DNAH3: variants seen among roughly 807,000 people sequenced by gnomAD.
DNAH3 encodes the protein dynein axonemal heavy chain 3.
Under a neutral mutation model 432.5 loss-of-function variants are expected in DNAH3, and 332 were observed. The observed-to-expected ratio is 0.77, with a 90% CI of 0.70 to 0.84. The LOEUF is 0.84. Ranked by LOEUF, DNAH3 falls within the 40% of genes least tolerant of loss-of-function variation. The pLI is 0.00. For synonymous variants in DNAH3, 1,956 were observed against 1,900.2 expected, an observed-to-expected ratio of 1.03 and a Z score of -0.76; for missense variants, 4,861 against 5,114.0, an observed-to-expected ratio of 0.95 and a Z score of 1.51.
chr16:21,146,095 G>A lies in DNAH3; in HGVS notation c.118-7C>T, dbSNP rs749747482. On this transcript the variant is annotated splice_polypyrimidine_tract_variant and splice_region_variant and intron_variant, in intron 1 of 61. Transcript: ENST00000261383. ...TGGAGTCACTTTTGGCGATCTGTGG[G>A]ACATGGGAACAAAGTCACCCTTCAA... 3.7e-6 allele frequency: 6 copies of A among 1,601,192 alleles called. No individual in the cohort carries two copies. The highest frequency in any genetic ancestry group is 4.3e-6 in the Non-Finnish European group (5 of 1,168,468).
intron 41 of DNAH3, among the ~76,000 whole-genome samples, chr16:21,011,329 TA>T (rs2087592436): frequency 6.6e-6 from 1 of 152,162 alleles, no homozygotes; most frequent in South Asian, 2.1e-4. Context: ...TTAACCTGAA[TA>T]ATTTATCTCT....
chr16:21,067,461 C>G (rs2090595888), intron 23 of DNAH3, 42 bp from the exon 24 acceptor site: 1 of 1,608,448 alleles, frequency 6.2e-7, no homozygotes, highest in Non-Finnish European at 8.5e-7. Flanking sequence ...ATAAGGTTCC[C>G]AAGTTCTGAG....
Position 21,136,319 on chromosome 16 carries a change from C to T in DNAH3, c.886+5G>A. On this transcript the variant is annotated splice_donor_5th_base_variant and intron_variant, in intron 6 of 61. Transcript: ENST00000261383. Reference sequence around the variant, plus strand: ...CCCAGCCCCCTTTATGCCCACCAGCCTTACCGATGCTTTTCATGAGGCTAC... The same window carrying T: ...CCCAGCCCCCTTTATGCCCACCAGCTTTACCGATGCTTTTCATGAGGCTAC... 1 of 1,613,576 alleles carries T rather than the reference C, an allele frequency of 6.2e-7. No individual in the cohort carries two copies. The highest frequency in any genetic ancestry group is 8.5e-7 in the Non-Finnish European group (1 of 1,179,552).
intron 54 of DNAH3, among the ~76,000 whole-genome samples, chr16:20,957,025 A>G (rs972306122): frequency 6.6e-6 from 1 of 152,148 alleles, no homozygotes; most frequent in African/African-American, 2.4e-5. Context: ...ACTCGGCCCC[A>G]AACAGCATTC....
At chr16:21,103,352 T>TGG (rs1274961749) in intron 16 of DNAH3, among the ~76,000 whole-genome samples, 45 of 71,124 alleles carry the variant, frequency 6.3e-4, no homozygotes, top group African/African-American at 1.5e-3. Flanking sequence ...AGGGTGTGTG[T>TGG]GTGGGGGGGG....
At chr16:20,997,163 C>A in intron 44 of DNAH3, 120 bp downstream of exon 44, 1 of 918,494 alleles carries the variant, frequency 1.1e-6, no homozygotes, top group East Asian at 2.5e-5. Context: ...GCTTCTGCTC[C>A]ATGCTCCTGC....
chr16:21,136,838 A>G (rs2092649550), intron 5 of DNAH3, among the ~76,000 whole-genome samples: 1 of 152,086 alleles, frequency 6.6e-6, no homozygotes, highest in Non-Finnish European at 1.5e-5. Context: ...GTGACCTTTA[A>G]GAAGAGGAAT....
At chr16:21,151,122 T>C (rs796964644) in intron 1 of DNAH3, among the ~76,000 whole-genome samples, 86 of 152,328 alleles carry the variant, frequency 5.6e-4, no homozygotes, top group African/African-American at 2.0e-3. Context: ...CAGGTCATAC[T>C]TCAGATCCTA....
chr16:21,100,220 C>T (rs1287212145), intron 16 of DNAH3, among the ~76,000 whole-genome samples: 5 of 152,068 alleles, frequency 3.3e-5, no homozygotes, highest in Admixed American at 2.0e-4. Context: ...TATAGGTGCC[C>T]GCCACCATGC....
intron 59 of DNAH3, among the ~76,000 whole-genome samples, chr16:20,939,964 G>A (rs1157063763): frequency 6.6e-6 from 1 of 152,216 alleles, no homozygotes; most frequent in Non-Finnish European, 1.5e-5. Context: ...TGGGCTCCAT[G>A]CTGTAGTAAC....
chr16:21,145,502 C>T (rs2152832243), intron 2 of DNAH3, 96 bp from the exon 4 acceptor site: 2 of 1,076,768 alleles, frequency 1.9e-6, no homozygotes, highest in East Asian at 2.5e-5. Context: ...GTTCCAAGTG[C>T]CTTATGCTAT....
Position 21,023,786 on chromosome 16 carries a change from G to GTGTGTGTGT in DNAH3, c.5646+809_5646+810insACACACACA, listed in dbSNP as rs1567654144. Among the ~76,000 whole-genome samples the GTGTGTGTGT allele has an allele frequency of 3.1e-3, 450 of 146,476 alleles. 5 individuals are homozygous for GTGTGTGTGT. The highest frequency in any genetic ancestry group is 0.011 in the African/African-American group (426 of 39,670). On this transcript the variant is annotated intron_variant, in intron 39 of 61. Coordinates refer to ENST00000261383, the Ensembl canonical transcript of DNAH3. ...TATATGGGGACTTGGCAGCTTTTGG[G>GTGTGTGTGT]GTGTGTGTGTGTGTGTGTGTGTGTG...
chr16:21,069,698 A>C (rs954261466), intron 22 of DNAH3, 104 bp from the exon 23 acceptor site: 3 of 1,009,236 alleles, frequency 3.0e-6, no homozygotes, highest in Non-Finnish European at 4.4e-6. Flanking sequence ...TCATTCATTC[A>C]GTCTGTCACT....
intron 44 of DNAH3, among the ~76,000 whole-genome samples, chr16:20,996,613 C>A (rs538031764): frequency 6.6e-6 from 1 of 152,268 alleles, no homozygotes; most frequent in African/African-American, 2.4e-5. Context: ...CACAAGCCAC[C>A]AAGCCCAGCT....
chr16:21,000,844 C>T (rs548445884), intron 42 of DNAH3, among the ~76,000 whole-genome samples: 6 of 152,284 alleles, frequency 3.9e-5, no homozygotes, highest in Admixed American at 2.0e-4. Flanking sequence ...AGTGAAAATG[C>T]AGGGATTTGA....
chr16:21,051,656 G>T lies in DNAH3; in HGVS notation c.4238+14C>A. ...CTCCGTTCACCCCTCAGATCTAGGAGCTCCAGAGTGTACCTGTAGCAGCGG... is the reference window on the plus strand; with the variant it reads ...CTCCGTTCACCCCTCAGATCTAGGATCTCCAGAGTGTACCTGTAGCAGCGG... On this transcript the variant is annotated intron_variant, in intron 29 of 61. Transcript: ENST00000261383. 6.2e-7 allele frequency: 1 copy of T among 1,612,318 alleles called. No homozygotes were observed. The highest frequency in any genetic ancestry group is 8.5e-7 in the Non-Finnish European group (1 of 1,179,786).
intron 51 of DNAH3, among the ~76,000 whole-genome samples, chr16:20,974,336 C>A (rs1182387907): frequency 6.6e-6 from 1 of 152,038 alleles, no homozygotes; most frequent in Non-Finnish European, 1.5e-5. Context: ...CTGCCCCTGG[C>A]CACTTTGTTT....
Position 21,052,094 on chromosome 16 carries a change from C to T in DNAH3, c.4040-226G>A, listed in dbSNP as rs368002363. ...GCAACCTCTGCCTCCTGGGTTCAAG[C>T]GATTCTCCTGCCTCAGCCTCCCAAA... On this transcript the variant is annotated intron_variant, in intron 28 of 61. Coordinates refer to ENST00000261383, the Ensembl canonical transcript of DNAH3. Among the ~76,000 whole-genome samples the T allele has an allele frequency of 1.5e-3, 231 of 152,200 alleles. 7 individuals carry two copies. In the South Asian group the frequency reaches 0.044, roughly 29 times the overall value.
intron 59 of DNAH3, among the ~76,000 whole-genome samples, chr16:20,941,156 A>G (rs577883624): frequency 6.6e-6 from 1 of 152,296 alleles, no homozygotes; most frequent in Admixed American, 6.5e-5. Context: ...CCTGTGCTTG[A>G]TACTGGTTTT....
Sources: gnomAD v4.1 joint callset for allele counts (sites outside exome capture counted in the v4.1 genomes callset) on GRCh38, gnomAD v4.1.1 for gene constraint, MANE v1.5 for transcripts, NCBI Gene and HGNC (gene_info 2026-07-23, HGNC 2026-07-21) for gene names.